The following TEX11 variants were observed in gnomAD, a reference collection of about 807,000 sequenced individuals.
The protein encoded by TEX11 is testis-expressed protein 11.
TEX11 carries 7 observed loss-of-function variants against 84.4 expected under a neutral mutation model. That is an observed-to-expected ratio of 0.08 (90% confidence interval 0.05 to 0.16). The LOEUF is 0.16. TEX11 is among the 10% of genes least tolerant of loss of function. The pLI is 1.00. For missense variants in TEX11, 551 were observed against 660.5 expected, an observed-to-expected ratio of 0.83 and a Z score of 1.82; for synonymous variants, 264 against 222.8, an observed-to-expected ratio of 1.18 and a Z score of -1.64.
At chrX:70,730,990 T>C (rs1481549934) in intron 11 of TEX11, among the ~76,000 whole-genome samples, 17 of 111,263 alleles carry the variant, frequency 1.5e-4, no homozygotes, top group Non-Finnish European at 2.7e-4. Flanking sequence ...GAACTCAGGA[T>C]TAAGAAACTC....
chrX:70,835,396 T>C (rs1402690150), intron 7 of TEX11, among the ~76,000 whole-genome samples: 1 of 112,382 alleles, frequency 8.9e-6, no homozygotes, highest in African/African-American at 3.2e-5. Context: ...GAAACAAATA[T>C]TTCAAGCCCA....
intron 8 of TEX11, among the ~76,000 whole-genome samples, chrX:70,823,804 C>T (rs1569449898): frequency 1.8e-5 from 2 of 109,928 alleles, no homozygotes; most frequent in Non-Finnish European, 3.8e-5. Context: ...ATCAGGAGTT[C>T]GAGACCAGCC....
chrX:70,905,113 A>G (rs1442041666), intron 2 of TEX11, among the ~76,000 whole-genome samples: 1 of 111,621 alleles, frequency 9.0e-6, no homozygotes, highest in East Asian at 2.8e-4. Flanking sequence ...GCCTGAGCTC[A>G]GGAGTTCCAG....
At chrX:70,873,179 G>T in intron 4 of TEX11, 44 bp downstream of exon 4, 1 of 772,110 alleles carries the variant, frequency 1.3e-6, no homozygotes, top group Non-Finnish European at 2.0e-6. Context: ...CCAATATATA[G>T]TAAGAACACG....
chrX:70,523,474 C>CT, the TEX11 span, among the ~76,000 whole-genome samples: 6 of 110,986 alleles, frequency 5.4e-5, no homozygotes, highest in South Asian at 2.3e-3. Flanking sequence ...TTATGCTTTT[C>CT]TTTTTTTGAG....
chrX:70,605,607 T>C (rs1352180307), intron 23 of TEX11, 90 bp from the exon 24 acceptor site: 11 of 580,148 alleles, frequency 1.9e-5, no homozygotes, highest in Non-Finnish European at 3.1e-5. Context: ...AACTTCCTGT[T>C]TGAATGAGAA....
chrX:70,894,189 T>C (rs1274592834), intron 2 of TEX11, among the ~76,000 whole-genome samples: 1 of 110,192 alleles, frequency 9.1e-6, no homozygotes, highest in Non-Finnish European at 1.9e-5. Flanking sequence ...TTCCAAACAA[T>C]AGAAAAAGAG....
At chrX:70,808,611 A>G (rs1004035090) in intron 8 of TEX11, among the ~76,000 whole-genome samples, 1 of 109,361 alleles carries the variant, frequency 9.1e-6, no homozygotes, top group Non-Finnish European at 1.9e-5. Flanking sequence ...GAAGGGATGA[A>G]TACTCCATTT....
chrX:70,756,036 G>A (rs748956156), intron 9 of TEX11, among the ~76,000 whole-genome samples: 1 of 112,146 alleles, frequency 8.9e-6, no homozygotes, highest in African/African-American at 3.2e-5. Flanking sequence ...CAGCTTGGCG[G>A]GGGGAGGGGT....
At chrX:70,879,756 A>G (rs1340811341) in intron 3 of TEX11, among the ~76,000 whole-genome samples, 1 of 111,362 alleles carries the variant, frequency 9.0e-6, no homozygotes, top group Non-Finnish European at 1.9e-5. Context: ...ATAAATATTA[A>G]TAATAAATAA....
intron 9 of TEX11, among the ~76,000 whole-genome samples, chrX:70,768,571 T>C (rs2090954847): frequency 9.0e-6 from 1 of 111,035 alleles, no homozygotes; most frequent in Non-Finnish European, 1.9e-5. Context: ...ACATGTTACA[T>C]GGCAGCAGGC....
chrX:70,744,002 T>G (rs1337846767), intron 10 of TEX11, among the ~76,000 whole-genome samples, 163 bp downstream of exon 10: 2 of 110,323 alleles, frequency 1.8e-5, no homozygotes, highest in Non-Finnish European at 3.8e-5. Flanking sequence ...TGAGTTAGAT[T>G]ATATTATTAT....
At chrX:70,633,715 C>T (rs1216175065) in intron 17 of TEX11, among the ~76,000 whole-genome samples, 1 of 111,264 alleles carries the variant, frequency 9.0e-6, no homozygotes, top group African/African-American at 3.3e-5. Context: ...GCCAGGAGTT[C>T]GAGACCAGCC....
chrX:70,693,811 A>C (rs1029946975), intron 13 of TEX11, among the ~76,000 whole-genome samples: 1 of 111,891 alleles, frequency 8.9e-6, no homozygotes, highest in Non-Finnish European at 1.9e-5. Flanking sequence ...GAGGTGATGG[A>C]TATGTTAATT....
At chrX:70,692,142 CAT>C (rs1439488904) in intron 13 of TEX11, among the ~76,000 whole-genome samples, 2 of 111,667 alleles carry the variant, frequency 1.8e-5, no homozygotes, top group Non-Finnish European at 3.8e-5. Context: ...AAACACTGCA[CAT>C]GTTTAATGTA....
chrX:70,593,111 A>G (rs1351881787), intron 24 of TEX11, among the ~76,000 whole-genome samples: 1 of 109,942 alleles, frequency 9.1e-6, no homozygotes, highest in African/African-American at 3.3e-5. Flanking sequence ...ACGCACACAC[A>G]CAGTAATCAC....
intron 9 of TEX11, among the ~76,000 whole-genome samples, chrX:70,770,337 G>C (rs1321016648): frequency 9.0e-6 from 1 of 111,476 alleles, no homozygotes; most frequent in Non-Finnish European, 1.9e-5. Flanking sequence ...ATATAGTAAA[G>C]GCAAAACAAT....
At chrX:70,740,025 A>G (rs2090723262) in intron 11 of TEX11, among the ~76,000 whole-genome samples, 1 of 111,923 alleles carries the variant, frequency 8.9e-6, no homozygotes, top group South Asian at 3.7e-4. Flanking sequence ...TTTTAAAATT[A>G]AATCCCATTA....
intron 16 of TEX11, among the ~76,000 whole-genome samples, chrX:70,662,968 A>G (rs751518352): frequency 2.3e-4 from 26 of 111,733 alleles, no homozygotes; most frequent in African/African-American, 8.4e-4. Context: ...TTATTGAACT[A>G]TACCTAAAAT....
Sources: gnomAD v4.1 joint callset for allele counts (sites outside exome capture counted in the v4.1 genomes callset) on GRCh38, gnomAD v4.1.1 for gene constraint, MANE v1.5 for transcripts, NCBI Gene and HGNC (gene_info 2026-07-23, HGNC 2026-07-21) for gene names.